ANKRD45: variants seen among roughly 807,000 people sequenced by gnomAD.
The protein encoded by ANKRD45 is ankyrin repeat domain-containing protein 45.
In ANKRD45, 21 loss-of-function variants were observed where a neutral mutation model predicts 28.1. The observed-to-expected ratio is 0.75, with a 90% CI of 0.53 to 1.08. The LOEUF is 1.08. Among genes scored for constraint, ANKRD45 ranks in the 50% least tolerant of loss-of-function variants. The pLI, the probability that ANKRD45 is intolerant of heterozygous loss-of-function variation, is 0.00. For synonymous variants in ANKRD45, 86 were observed against 103.9 expected (o/e 0.83, Z 1.05); for missense variants, 261 against 308.7 (o/e 0.85, Z 1.16).
At chr1:173,671,557 C>A (rs1368983725), upstream of ANKRD45, among the ~76,000 whole-genome samples, 2 of 151,962 alleles carry the variant, frequency 1.3e-5, no homozygotes, top group Admixed American at 6.6e-5. Flanking sequence ...GGACGCAAGA[C>A]CCTAGAAGTA....
chr1:173,702,691 G>C, the ANKRD45 span, among the ~76,000 whole-genome samples: 1 of 150,368 alleles, frequency 6.7e-6, no homozygotes, highest in South Asian at 2.1e-4. Context: ...CTTGCTGGCA[G>C]TCTGCTGGCT....
At chr1:173,639,192 T>C (rs1175275357) in intron 3 of ANKRD45, among the ~76,000 whole-genome samples, 1 of 152,194 alleles carries the variant, frequency 6.6e-6, no homozygotes, top group Admixed American at 6.5e-5. Flanking sequence ...CAAGGTCTTA[T>C]TAACAGTAAA....
At chr1:173,637,223 C>A (rs1668488333) in intron 3 of ANKRD45, 1 of 522,102 alleles carries the variant, frequency 1.9e-6, no homozygotes, top group Admixed American at 3.6e-5. Flanking sequence ...CCCGGACTTA[C>A]TAAAGTACTA....
In ANKRD45 at chr1:173,617,449, G is replaced by T. The variant is rs1444680170; in HGVS notation, c.731-7234C>A. Among the ~76,000 whole-genome samples the T allele has an allele frequency of 2.0e-5, 3 of 152,192 alleles. No homozygotes were observed. In the East Asian group the frequency reaches 5.8e-4, roughly 29 times the overall value. On this transcript the variant is annotated intron_variant, in intron 5 of 5. Transcript: ENST00000333279. ...TCAGCCCTTCTAGCCTTCCAGCTCT[G>T]GGGAGTTCAAGAAGTCCTGATGAGG...
At chr1:173,687,464 C>CT in the ANKRD45 span, among the ~76,000 whole-genome samples, 1 of 103,498 alleles carries the variant, frequency 9.7e-6, no homozygotes, top group Non-Finnish European at 1.8e-5. Flanking sequence ...ACCCCCCCCC[C>CT]ACCCCTTTTT....
chr1:173,708,921 C>T, the ANKRD45 span, among the ~76,000 whole-genome samples: 1 of 152,174 alleles, frequency 6.6e-6, no homozygotes, highest in Non-Finnish European at 1.5e-5. Flanking sequence ...TGCTGTACCA[C>T]CCTGTAAGCA....
rs1444157667 is a variant in ANKRD45, at chr1:173,609,999, T to A, written c.*146A>T. ...GGCCAGAGTCCGGACATAAGCATGC[T>A]GAACAGGTCAAACAAAACAAGGGCG... On this transcript the variant is annotated 3_prime_UTR_variant, in exon 6 of 6. Transcript: ENST00000333279. The A allele has an allele frequency of 8.8e-6, 7 of 799,228 alleles. No individual in the cohort carries two copies. Among genetic ancestry groups the A allele is most frequent in the Non-Finnish European group, 1.0e-5 (5 of 492,888 alleles). The allele number at this position is 799,228 out of a possible 1,614,324, so 49.5% of individuals were successfully genotyped here.
intron 4 of ANKRD45, among the ~76,000 whole-genome samples, chr1:173,625,378 A>G (rs938465343): frequency 6.6e-6 from 1 of 152,210 alleles, no homozygotes; most frequent in Non-Finnish European, 1.5e-5. Flanking sequence ...CATGCAACTC[A>G]AAAGACAATG....
At chr1:173,652,485 G>A (rs1052149298) in intron 2 of ANKRD45, among the ~76,000 whole-genome samples, 1 of 152,094 alleles carries the variant, frequency 6.6e-6, no homozygotes, top group Admixed American at 6.5e-5. Context: ...ATGTGCTGCT[G>A]GATTCTATTT....
the ANKRD45 span, among the ~76,000 whole-genome samples, chr1:173,707,234 T>G: frequency 2.0e-5 from 3 of 152,188 alleles, no homozygotes; most frequent in Non-Finnish European, 2.9e-5. Context: ...TTGTCATTTT[T>G]TTTTACTACA....
chr1:173,687,462 C>CA, the ANKRD45 span, among the ~76,000 whole-genome samples: 3 of 110,412 alleles, frequency 2.7e-5, no homozygotes, highest in African/African-American at 9.2e-5. Flanking sequence ...CTACCCCCCC[C>CA]CCACCCCTTT....
chr1:173,682,684 T>TACGCACACACACACACACACAC, the ANKRD45 span, among the ~76,000 whole-genome samples: 268 of 144,034 alleles, frequency 1.9e-3, 1 homozygote, highest in Middle Eastern at 7.0e-3. Flanking sequence ...GCCTTTTAAA[T>TACGCACACACACACACACACAC]ACACACACAC....
the ANKRD45 span, among the ~76,000 whole-genome samples, chr1:173,695,262 C>T: frequency 6.6e-6 from 1 of 152,038 alleles, no homozygotes; most frequent in Non-Finnish European, 1.5e-5. Context: ...GGGTATATAA[C>T]ATGATGCTGA....
At chr1:173,676,981 A>G in the ANKRD45 span, among the ~76,000 whole-genome samples, 1 of 152,016 alleles carries the variant, frequency 6.6e-6, no homozygotes, top group African/African-American at 2.4e-5. Context: ...ATACCAAATA[A>G]GCCAAATATG....
At chr1:173,705,207 G>A in the ANKRD45 span, among the ~76,000 whole-genome samples, 1 of 152,180 alleles carries the variant, frequency 6.6e-6, no homozygotes, top group Non-Finnish European at 1.5e-5. Context: ...CATTAACTAT[G>A]TGCCACCAAC....
chr1:173,648,448 C>T lies in ANKRD45; in HGVS notation c.329-1435G>A, dbSNP rs181250776. ...TACTCAGTTTTTTCTCGGAAGCATG[C>T]TTTTCTGACAGTGAATCTTAATTTT... On this transcript the variant is annotated intron_variant, in intron 2 of 5. Transcript: ENST00000333279. Among the ~76,000 whole-genome samples the T allele has an allele frequency of 1.7e-3, 259 of 152,262 alleles. 2 individuals are homozygous for T. Among genetic ancestry groups the T allele is most frequent in the African/African-American group, 5.9e-3 (246 of 41,546 alleles).
At chr1:173,681,753 T>G in the ANKRD45 span, among the ~76,000 whole-genome samples, 1 of 152,094 alleles carries the variant, frequency 6.6e-6, no homozygotes, top group East Asian at 1.9e-4. Context: ...TAATGGAAGA[T>G]TAAAGATGGA....
At chr1:173,674,973 T>A in the ANKRD45 span, among the ~76,000 whole-genome samples, 1 of 152,102 alleles carries the variant, frequency 6.6e-6, no homozygotes, top group Non-Finnish European at 1.5e-5. Flanking sequence ...GGTCCCAAGT[T>A]ATTAGGAAAG....
chr1:173,704,179 AG>A, the ANKRD45 span, among the ~76,000 whole-genome samples: 1 of 152,162 alleles, frequency 6.6e-6, no homozygotes, highest in African/African-American at 2.4e-5. Context: ...CTAGGCTCAG[AG>A]GGTTCAGGGA....
Sources: gnomAD v4.1 joint callset for allele counts (sites outside exome capture counted in the v4.1 genomes callset) on GRCh38, gnomAD v4.1.1 for gene constraint, MANE v1.5 for transcripts, NCBI Gene and HGNC (gene_info 2026-07-23, HGNC 2026-07-21) for gene names.